The following HMCN2 variants were observed in gnomAD, a reference collection of about 807,000 sequenced individuals.
HMCN2 encodes the protein hemicentin-2.
A neutral mutation model predicts 377.5 loss-of-function variants in HMCN2; 325 were observed. That is an observed-to-expected ratio of 0.86 (90% CI 0.79 to 0.94). The LOEUF (loss-of-function observed/expected upper bound fraction) is 0.94. Among genes scored for constraint, HMCN2 ranks in the 40% least tolerant of loss-of-function variants. HMCN2 has a pLI of 0.00. For synonymous variants in HMCN2, 2,007 were observed against 2,046.8 expected (o/e 0.98, Z 0.53); for missense variants, 4,543 against 4,725.3 (o/e 0.96, Z 1.13).
At position 130,414,194 on chromosome 9, in the gene HMCN2, C is replaced by A. The variant is rs186507995; in HGVS notation, c.12961+3542C>A. ...TGTCAGGTGACACCTAATGAGGAGA[C>A]AGAATTGTCACCACTGTCATCTACT... On this transcript the variant is annotated intron_variant, in intron 85 of 97. Transcript: ENST00000683500. The surrounding 1 kb of genome is among the most constrained non-coding windows in gnomAD (Gnocchi z 4.4). 1.8e-4 allele frequency among the ~76,000 whole-genome samples: 27 copies of A among 152,280 alleles called. No homozygotes were observed. Among genetic ancestry groups the A allele is most frequent in the African/African-American group, 6.0e-4 (25 of 41,552 alleles).
intron 4 of HMCN2, among the ~76,000 whole-genome samples, chr9:130,293,075 C>T (rs1835891563): frequency 1.3e-5 from 2 of 151,846 alleles, no homozygotes. Flanking sequence ...CTGATATTTC[C>T]AATTCAAATT....
chr9:130,318,193 A>G (rs1390376058), intron 15 of HMCN2, among the ~76,000 whole-genome samples: 2 of 152,126 alleles, frequency 1.3e-5, no homozygotes, highest in African/African-American at 4.8e-5. Flanking sequence ...TAATTTTCCA[A>G]CTTGTGTTTA....
chr9:130,373,972 G>A (rs1156495039), intron 48 of HMCN2, among the ~76,000 whole-genome samples: 1 of 151,106 alleles, frequency 6.6e-6, no homozygotes, highest in Non-Finnish European at 1.5e-5. Context: ...GGATGGTTGG[G>A]TGGTTGGGTG....
At chr9:130,305,588 C>T (rs1272555002) in intron 11 of HMCN2, among the ~76,000 whole-genome samples, 2 of 152,200 alleles carry the variant, frequency 1.3e-5, no homozygotes, top group African/African-American at 2.4e-5. Flanking sequence ...GAGGCTATGT[C>T]TAGGCTCTGC....
At position 130,306,838 on chromosome 9, in the gene HMCN2, G is replaced by A. The variant is rs1836888216; in HGVS notation, c.1986G>A (p.Leu662=). The change falls in exon 13 of 98, where the codon CTG becomes CTA. Residue 662 remains leucine, a synonymous_variant. Coordinates refer to ENST00000683500, the MANE Select transcript of HMCN2 (RefSeq NM_001291815.2). ...SRIHVDAQGT[L]IIQGVAPEDA... is the part of the protein sequence containing the mutation. ...TCCATGTGGACGCACAGGGAACCCT[G>A]ATTATTCAGGGGGTAGCCCCAGAGG... The A allele has an allele frequency of 2.1e-6, 1 of 470,714 alleles. No homozygotes were observed. Among genetic ancestry groups the A allele is most frequent in the African/African-American group, 2.0e-5 (1 of 50,060 alleles). 29.2% of individuals were successfully genotyped at this position (470,714 alleles called of 1,614,324 possible).
At chr9:130,321,588 G>C (rs1837853693) in intron 18 of HMCN2, among the ~76,000 whole-genome samples, 199 bp from the exon 19 acceptor site, 1 of 152,096 alleles carries the variant, frequency 6.6e-6, no homozygotes, top group Admixed American at 6.5e-5. Flanking sequence ...GGCCCACCCA[G>C]CCCTGCAGGG....
At position 130,347,332 on chromosome 9, in the gene HMCN2, G is replaced by A. The variant is rs951732331; in HGVS notation, c.3996G>A (p.Thr1332=). 3.3e-4 allele frequency: 51 copies of A among 152,388 alleles called. 1 individual carries two copies. Among genetic ancestry groups the A allele is most frequent in the African/African-American group, 1.1e-3 (45 of 41,554 alleles). The allele number at this position is 152,388 out of a possible 1,614,324, so 9.4% of individuals were successfully genotyped here. A position where few individuals can be genotyped will look rare whatever the true frequency, so the allele number is the denominator to read the frequency against. The change falls in exon 26 of 98, where the codon ACG becomes ACA. Residue 1332 remains threonine, a synonymous_variant. Coordinates refer to ENST00000683500, the MANE Select transcript of HMCN2 (RefSeq NM_001291815.2). The surrounding 1 kb of genome is among the most constrained non-coding windows in gnomAD (Gnocchi z 5.1). ...AGGCCACCAACGAGGTGGGCTCCAC[G>A]TCCAGGAGAGCCAAGCTGGTGGTCT... ...ECQATNEVGS[T]SRRAKLVVYV...
chr9:130,333,236 C>T (rs1838522346), intron 22 of HMCN2, among the ~76,000 whole-genome samples: 1 of 152,132 alleles, frequency 6.6e-6, no homozygotes, highest in East Asian at 1.9e-4. Flanking sequence ...TAATGACAGG[C>T]GTGGTAAACT....
At chr9:130,273,713 G>T (rs1554921992) in intron 1 of HMCN2, among the ~76,000 whole-genome samples, 1 of 152,142 alleles carries the variant, frequency 6.6e-6, no homozygotes, top group African/African-American at 2.4e-5. Flanking sequence ...GGCCAGGCTG[G>T]TCCCAAACTC....
chr9:130,433,714 C>A lies in HMCN2; in HGVS notation c.*21C>A. Reference sequence around the variant, plus strand: ...ACTAAACGGGAGAGGGCATTGGCGGCCGCCCTGGCGTGACCCCCGAGGAAG... The same window carrying A: ...ACTAAACGGGAGAGGGCATTGGCGGACGCCCTGGCGTGACCCCCGAGGAAG... On this transcript the variant is annotated 3_prime_UTR_variant, in exon 98 of 98. Transcript: ENST00000683500. The A allele has an allele frequency of 6.9e-7, 1 of 1,444,860 alleles. No homozygotes were observed. Among genetic ancestry groups the A allele is most frequent in the Non-Finnish European group, 9.1e-7 (1 of 1,100,048 alleles). The allele number at this position is 1,444,860 out of a possible 1,614,324, so 89.5% of individuals were successfully genotyped here. A position where few individuals can be genotyped will look rare whatever the true frequency, so the allele number is the denominator to read the frequency against.
In HMCN2 at chr9:130,432,330, C is replaced by A; in HGVS notation, c.14768-99C>A. The A allele has an allele frequency of 5.4e-6, 6 of 1,111,608 alleles. No homozygotes were observed. In the South Asian group the frequency reaches 8.5e-5, roughly 16 times the overall value. 68.9% of individuals were successfully genotyped at this position (1,111,608 alleles called of 1,614,324 possible). A position where few individuals can be genotyped will look rare whatever the true frequency, so the allele number is the denominator to read the frequency against. ...ACAAAGGGAGAAGGGCTGCCCACCT[C>A]ACTGGTCCCCCAAAGGTACTTCTCC... is the stretch of plus-strand genomic sequence containing the variant. On this transcript the variant is annotated intron_variant, in intron 96 of 97. Transcript: ENST00000683500.
At chr9:130,286,479 G>A (rs901773114) in intron 4 of HMCN2, among the ~76,000 whole-genome samples, 169 bp downstream of exon 4, 2 of 152,260 alleles carry the variant, frequency 1.3e-5, no homozygotes, top group Non-Finnish European at 1.5e-5. Context: ...GGCACAGGAC[G>A]CGCTGTGCTC....
At chr9:130,357,294 ATGAG>A (rs1453176320) in intron 34 of HMCN2, among the ~76,000 whole-genome samples, 1 of 136,800 alleles carries the variant, frequency 7.3e-6, no homozygotes, top group Non-Finnish European at 1.6e-5. Flanking sequence ...GGATGGATGA[ATGAG>A]TGGGTAGATG....
At position 130,384,471 on chromosome 9, in the gene HMCN2, G is replaced by A. The variant is rs868453483; in HGVS notation, c.8929G>A (p.Glu2977Lys). Residue 2977 changes from glutamate (E) to lysine (K), a missense_variant, in exon 58 of 98, where the codon GAG (glutamate) becomes AAG (lysine). Glu to Lys is a moderately conservative substitution (Grantham distance 56). Around this residue, in one of 5 missense-constraint regions of HMCN2, gnomAD observed 736 missense variants for 773.2 expected, o/e 0.95. Coordinates refer to ENST00000683500, the MANE Select transcript of HMCN2 (RefSeq NM_001291815.2). ...PCDVHAHPNP[E>K]VTWYKDSQAL... ...CGACGTCCACGCTCACCCAAACCCCGAGGTCACGTGGTACAAGGACAGCCA... is the reference window on the plus strand; with the variant it reads ...CGACGTCCACGCTCACCCAAACCCCAAGGTCACGTGGTACAAGGACAGCCA... The A allele has an allele frequency of 2.8e-5, 37 of 1,304,112 alleles. No individual in the cohort carries two copies. The African/African-American group carries it at 4.9e-4, about 17-fold the overall frequency. 80.8% of individuals were successfully genotyped at this position (1,304,112 alleles called of 1,614,324 possible).
rs1475247886 is a variant in HMCN2, at chr9:130,351,690, G to A, written c.4585+113G>A. ...GGCTGAAATGGGGGACCTGGTGAGT[G>A]ATCCCTGAGTCCAAGAAAGCTGGGG... On this transcript the variant is annotated intron_variant, in intron 30 of 97. Transcript: ENST00000683500. This position sits in a 1 kb window ranked among gnomAD's most constrained non-coding sequence, Gnocchi z 5.4. 6.7e-6 allele frequency: 6 copies of A among 899,232 alleles called. No individual in the cohort carries two copies. The highest frequency in any genetic ancestry group is 1.7e-5 in the African/African-American group (1 of 57,154). 55.7% of individuals were successfully genotyped at this position (899,232 alleles called of 1,614,324 possible).
At position 130,362,947 on chromosome 9, in the gene HMCN2, C is replaced by T. The variant is rs982085889; in HGVS notation, c.6189C>T (p.Ser2063=). The T allele has an allele frequency of 1.8e-5, 18 of 985,756 alleles. No individual in the cohort carries two copies. The highest frequency in any genetic ancestry group is 1.4e-4 in the African/African-American group (8 of 57,214). The allele number at this position is 985,756 out of a possible 1,614,324, so 61.1% of individuals were successfully genotyped here. Residue 2063 remains serine, a synonymous_variant, in exon 40 of 98, where the codon AGC becomes AGT. Coordinates refer to ENST00000683500, the MANE Select transcript of HMCN2 (RefSeq NM_001291815.2). ...GGAGGTACTCCTGCGTGGCTGTGAG[C>T]GCGGTGGGCGAGGACCGCCAGGATG... ...DSGRYSCVAV[S]AVGEDRQDVV... is the part of the protein sequence containing the mutation.
chr9:130,297,613 A>G (rs1554932615), intron 7 of HMCN2, among the ~76,000 whole-genome samples: 1 of 152,214 alleles, frequency 6.6e-6, no homozygotes, highest in African/African-American at 2.4e-5. Context: ...CTGGACCCTG[A>G]ACAGTGACCA....
chr9:130,333,012 T>C (rs1838508307), intron 22 of HMCN2, among the ~76,000 whole-genome samples: 1 of 148,240 alleles, frequency 6.7e-6, no homozygotes, highest in African/African-American at 2.5e-5. Context: ...AGTATTGAGA[T>C]GGTGGAAGGT....
At chr9:130,277,805 CCACCACCATCATCATCAT>C (rs1834804261) in intron 1 of HMCN2, among the ~76,000 whole-genome samples, 2 of 91,670 alleles carry the variant, frequency 2.2e-5, no homozygotes, top group Non-Finnish European at 4.5e-5. Flanking sequence ...ATCATCACCA[CCACCACCATCATCATCAT>C]CACCACCACC....
Sources: gnomAD v4.1 joint callset for allele counts (sites outside exome capture counted in the v4.1 genomes callset) on GRCh38, gnomAD v4.1.1 for gene constraint, gnomAD v4.1.1 regional missense constraint, Gnocchi (gnomAD v3.1) non-coding constraint, MANE v1.5 for transcripts, NCBI Gene and HGNC (gene_info 2026-07-23, HGNC 2026-07-21) for gene names.